SHROOM3: variants seen among roughly 807,000 people sequenced by gnomAD.
SHROOM3 encodes the protein shroom family member 3.
In SHROOM3, 47 loss-of-function variants were observed where a neutral mutation model predicts 138.6. That is an observed-to-expected ratio of 0.34 (90% CI 0.27 to 0.43). SHROOM3 has a LOEUF of 0.43. SHROOM3 is among the 20% of genes least tolerant of loss of function. The pLI is 1.00. For missense variants in SHROOM3, 2,491 were observed against 2,596.5 expected, an observed-to-expected ratio of 0.96 and a Z score of 0.88; for synonymous variants, 1,062 against 1,063.3, an observed-to-expected ratio of 1.00 and a Z score of 0.02.
intron 2 of SHROOM3, among the ~76,000 whole-genome samples, chr4:76,568,440 CCTT>C (rs1202726558): frequency 2.6e-5 from 4 of 152,208 alleles, no homozygotes; most frequent in Non-Finnish European, 5.9e-5. Context: ...TCTTCACTAT[CCTT>C]CTATTCCCTA....
intron 2 of SHROOM3, among the ~76,000 whole-genome samples, chr4:76,692,349 G>A (rs1201616039): frequency 6.6e-6 from 1 of 152,234 alleles, no homozygotes; most frequent in African/African-American, 2.4e-5. Flanking sequence ...CCCAGGAACT[G>A]GCGATGGGTT....
At chr4:76,499,994 C>T (rs901431919) in intron 1 of SHROOM3, among the ~76,000 whole-genome samples, 1 of 152,200 alleles carries the variant, frequency 6.6e-6, no homozygotes, top group African/African-American at 2.4e-5. Flanking sequence ...AGATTATTAT[C>T]TCCATTTTGC....
At chr4:76,570,156 A>AACACACACACAC (rs57079760) in intron 2 of SHROOM3, among the ~76,000 whole-genome samples, 3 of 149,376 alleles carry the variant, frequency 2.0e-5, no homozygotes, top group African/African-American at 7.4e-5. Flanking sequence ...GAAATGTTAA[A>AACACACACACAC]ACACACACAC....
At chr4:76,607,117 T>A (rs963721600) in intron 2 of SHROOM3, among the ~76,000 whole-genome samples, 3 of 152,168 alleles carry the variant, frequency 2.0e-5, no homozygotes, top group African/African-American at 7.2e-5. Context: ...TACAAACAAA[T>A]ACTCATCATT....
At chr4:76,444,480 CTTTCTTT>C (rs1730762324) in intron 1 of SHROOM3, among the ~76,000 whole-genome samples, 1 of 107,110 alleles carries the variant, frequency 9.3e-6, no homozygotes. Flanking sequence ...ATCTCTCTTT[CTTTCTTT>C]TTTTTTTTTT....
intron 1 of SHROOM3, among the ~76,000 whole-genome samples, chr4:76,461,265 G>A (rs369006835): frequency 6.6e-6 from 1 of 152,124 alleles, no homozygotes. Context: ...ATACAAAAGA[G>A]TCAAAGGCAA....
intron 1 of SHROOM3, among the ~76,000 whole-genome samples, chr4:76,464,242 T>C (rs28883090): frequency 0.017 from 2,592 of 152,286 alleles, 78 homozygotes; most frequent in African/African-American, 0.059. Context: ...ATGTGATACA[T>C]GGAGTCAAAG....
intron 1 of SHROOM3, among the ~76,000 whole-genome samples, chr4:76,491,791 C>G (rs1302573318): frequency 6.6e-6 from 1 of 152,190 alleles, no homozygotes; most frequent in East Asian, 1.9e-4. Context: ...GATTTGCAGC[C>G]AGAGCATCCA....
intron 2 of SHROOM3, among the ~76,000 whole-genome samples, chr4:76,656,892 C>A (rs528897239): frequency 2.0e-5 from 3 of 152,292 alleles, no homozygotes; most frequent in African/African-American, 7.2e-5. Context: ...CACATATTCA[C>A]CAGGCACAGT....
At chr4:76,510,610 C>T (rs978995787) in intron 1 of SHROOM3, among the ~76,000 whole-genome samples, 1 of 152,204 alleles carries the variant, frequency 6.6e-6, no homozygotes, top group African/African-American at 2.4e-5. Context: ...GTCACCTGGC[C>T]TTGTCATATA....
chr4:76,579,357 A>G (rs1014144042), intron 2 of SHROOM3, among the ~76,000 whole-genome samples: 4 of 150,824 alleles, frequency 2.7e-5, no homozygotes, highest in African/African-American at 9.8e-5. Context: ...AGTCCCAGCT[A>G]CTCGGGAGGC....
chr4:76,459,286 A>G (rs1003041448), intron 1 of SHROOM3, among the ~76,000 whole-genome samples: 1 of 152,122 alleles, frequency 6.6e-6, no homozygotes, highest in African/African-American at 2.4e-5. Flanking sequence ...GTACAGTGAG[A>G]ATGCTTTGGG....
chr4:76,540,622 G>T (rs1258945359), intron 1 of SHROOM3, among the ~76,000 whole-genome samples: 1 of 152,136 alleles, frequency 6.6e-6, no homozygotes, highest in Non-Finnish European at 1.5e-5. Flanking sequence ...AAACTATCTA[G>T]TCAGTCACAT....
intron 1 of SHROOM3, among the ~76,000 whole-genome samples, chr4:76,553,966 C>A (rs776002500): frequency 1.3e-5 from 2 of 152,204 alleles, no homozygotes. Flanking sequence ...ACATGGACAT[C>A]TCCTGTCACC....
intron 1 of SHROOM3, among the ~76,000 whole-genome samples, chr4:76,451,241 C>T (rs1370528572): frequency 6.6e-6 from 1 of 152,164 alleles, no homozygotes; most frequent in Non-Finnish European, 1.5e-5. Context: ...TGAGCCACTG[C>T]ACTCAGCCAG....
Position 76,741,731 on chromosome 4 carries a change from G to A in SHROOM3, c.3558G>A (p.Gly1186=). The A allele has an allele frequency of 1.9e-6, 3 of 1,558,878 alleles. No homozygotes were observed. In the African/African-American group the frequency reaches 4.1e-5, roughly 21 times the overall value. Residue 1186 remains glycine, a synonymous_variant, in exon 5 of 11, where the codon GGG becomes GGA. Transcript: ENST00000296043. This position sits in a 1 kb window ranked among gnomAD's most constrained non-coding sequence, Gnocchi z 6.2. The stretch of plus-strand genomic sequence containing the variant: ...GCCGCCTCGGGGAACGGCGACGCGG[G>A]GACCTGCTTAGCGGAGCAAACGGTG... The part of the protein sequence containing the change: ...GGRRLGERRR[G]DLLSGANGGT...
chr4:76,693,149 C>T (rs964600107), intron 2 of SHROOM3, among the ~76,000 whole-genome samples: 1 of 152,068 alleles, frequency 6.6e-6, no homozygotes, highest in Non-Finnish European at 1.5e-5. Flanking sequence ...AGGGTTGTTG[C>T]AAAGATTGAG....
chr4:76,732,139 A>C (rs1440034729), intron 4 of SHROOM3, among the ~76,000 whole-genome samples: 1 of 152,226 alleles, frequency 6.6e-6, no homozygotes, highest in Non-Finnish European at 1.5e-5. Flanking sequence ...CCAGGGAGTT[A>C]GACTCCGTAG....
At chr4:76,604,742 G>A (rs531264883) in intron 2 of SHROOM3, among the ~76,000 whole-genome samples, 1 of 152,214 alleles carries the variant, frequency 6.6e-6, no homozygotes, top group Non-Finnish European at 1.5e-5. Context: ...TAGCAGGGAT[G>A]TTGAAACACT....
Sources: allele counts gnomAD v4.1 joint callset (sites outside exome capture counted in the v4.1 genomes callset), GRCh38; gene constraint gnomAD v4.1.1; non-coding constraint Gnocchi (gnomAD v3.1); transcripts MANE v1.5; gene names NCBI Gene and HGNC (gene_info 2026-07-23, HGNC 2026-07-21).